SGCD: variants seen among roughly 807,000 people sequenced by gnomAD.
SGCD encodes sarcoglycan delta.
In SGCD, 18 loss-of-function variants were observed where a neutral mutation model predicts 36.6. The observed-to-expected ratio is 0.49, with a 90% CI of 0.34 to 0.73. The LOEUF (loss-of-function observed/expected upper bound fraction) is 0.73. Among genes scored for constraint, SGCD ranks in the 30% least tolerant of loss-of-function variants. The pLI, the probability that SGCD is intolerant of heterozygous loss-of-function variation, is 0.01. For missense variants in SGCD, 387 were observed against 346.7 expected, an observed-to-expected ratio of 1.12 and a Z score of -0.92; for synonymous variants, 133 against 130.6, an observed-to-expected ratio of 1.02 and a Z score of -0.12.
At chr5:156,643,878 C>T (rs1051519795) in intron 6 of SGCD, among the ~76,000 whole-genome samples, 4 of 151,994 alleles carry the variant, frequency 2.6e-5, no homozygotes, top group Non-Finnish European at 5.9e-5. Context: ...ACGTTTTTAC[C>T]TCAAACCTTA....
chr5:156,407,660 G>A (rs1772497779), intron 3 of SGCD, among the ~76,000 whole-genome samples: 1 of 152,212 alleles, frequency 6.6e-6, no homozygotes, highest in Admixed American at 6.5e-5. Flanking sequence ...CATGAGGAGT[G>A]TCTTGAGCTT....
intron 3 of SGCD, among the ~76,000 whole-genome samples, chr5:156,478,128 T>C (rs78542557): frequency 0.019 from 2,942 of 152,178 alleles, 79 homozygotes; most frequent in African/African-American, 0.068. Flanking sequence ...TAAGTAGAAA[T>C]AATGGTTCCT....
chr5:156,010,804 G>A (rs1413522527), intron 1 of SGCD, among the ~76,000 whole-genome samples: 1 of 152,196 alleles, frequency 6.6e-6, no homozygotes, highest in African/African-American at 2.4e-5. Flanking sequence ...TAGAAGGTTA[G>A]AAGCAGAGCC....
chr5:156,328,921 C>G (rs968615714), intron 1 of SGCD, among the ~76,000 whole-genome samples: 13 of 152,124 alleles, frequency 8.5e-5, no homozygotes, highest in African/African-American at 3.1e-4. Flanking sequence ...TAGTCAAGCC[C>G]ACTGCCAATG....
At chr5:156,117,151 G>A (rs902281248) in intron 1 of SGCD, among the ~76,000 whole-genome samples, 3 of 151,980 alleles carry the variant, frequency 2.0e-5, no homozygotes, top group Admixed American at 2.0e-4. Flanking sequence ...GTACATACTT[G>A]CTCTGTGCCT....
chr5:156,648,584 G>T (rs1052333757), intron 7 of SGCD, among the ~76,000 whole-genome samples: 1 of 152,122 alleles, frequency 6.6e-6, no homozygotes, highest in African/African-American at 2.4e-5. Context: ...TTGGGCCAAA[G>T]GAAGAGGATA....
At chr5:156,418,379 A>C (rs1773147224) in intron 3 of SGCD, among the ~76,000 whole-genome samples, 1 of 152,162 alleles carries the variant, frequency 6.6e-6, no homozygotes, top group Non-Finnish European at 1.5e-5. Context: ...TGGTTTTGTG[A>C]CTGGACATGG....
At chr5:156,398,396 A>G (rs1158081554) in intron 3 of SGCD, among the ~76,000 whole-genome samples, 1 of 152,226 alleles carries the variant, frequency 6.6e-6, no homozygotes, top group Non-Finnish European at 1.5e-5. Context: ...CATCTGATGG[A>G]CAATTGAATG....
chr5:156,071,009 G>T (rs566759378), intron 1 of SGCD, among the ~76,000 whole-genome samples: 1 of 152,024 alleles, frequency 6.6e-6, no homozygotes, highest in Non-Finnish European at 1.5e-5. Context: ...GCATCTATTT[G>T]ATTCTTCTCT....
At chr5:156,410,533 T>A (rs1772683045) in intron 3 of SGCD, among the ~76,000 whole-genome samples, 1 of 152,160 alleles carries the variant, frequency 6.6e-6, no homozygotes, top group South Asian at 2.1e-4. Context: ...AAAGTTGGAA[T>A]TATTTTTTTA....
chr5:156,285,660 C>T (rs1210915572), intron 3 of SGCD, among the ~76,000 whole-genome samples: 5 of 152,146 alleles, frequency 3.3e-5, no homozygotes, highest in Admixed American at 2.6e-4. Flanking sequence ...TTACACCTTA[C>T]ACAAAAATTA....
intron 2 of SGCD, among the ~76,000 whole-genome samples, chr5:156,119,459 C>T (rs1761981502): frequency 6.6e-6 from 1 of 152,096 alleles, no homozygotes; most frequent in African/African-American, 2.4e-5. Context: ...GCATTGTTGG[C>T]AACAGGAATG....
At chr5:156,734,955 ATTCT>A (rs1391226054) in intron 7 of SGCD, among the ~76,000 whole-genome samples, 2 of 152,128 alleles carry the variant, frequency 1.3e-5, no homozygotes, top group African/African-American at 4.8e-5. Flanking sequence ...TTTTGCACTG[ATTCT>A]TTCTCATTTT....
At chr5:155,863,823 T>C in the SGCD span, among the ~76,000 whole-genome samples, 2 of 152,090 alleles carry the variant, frequency 1.3e-5, no homozygotes, top group African/African-American at 2.4e-5. Flanking sequence ...TTTCATTTGT[T>C]TATTCATTCA....
chr5:156,307,552 GTTGTT>G (rs1377974441), intron 3 of SGCD, among the ~76,000 whole-genome samples: 95 of 48,416 alleles, frequency 2.0e-3, no homozygotes, highest in African/African-American at 8.3e-3. Context: ...CATTTTAACT[GTTGTT>G]TTTTTTTTTT....
At chr5:155,769,589 A>C in the SGCD span, among the ~76,000 whole-genome samples, 1 of 152,048 alleles carries the variant, frequency 6.6e-6, no homozygotes, top group East Asian at 1.9e-4. Flanking sequence ...TCTAACTCAA[A>C]ATCTTCTCTC....
chr5:156,442,459 T>G (rs1487819278), intron 3 of SGCD, among the ~76,000 whole-genome samples: 1 of 152,216 alleles, frequency 6.6e-6, no homozygotes, highest in African/African-American at 2.4e-5. Context: ...TGTTGGTGGT[T>G]GTTAAATTAT....
At chr5:156,156,606 A>G (rs1762970732) in intron 3 of SGCD, among the ~76,000 whole-genome samples, 2 of 151,576 alleles carry the variant, frequency 1.3e-5, no homozygotes, top group South Asian at 4.1e-4. Flanking sequence ...ACTGGGTGAC[A>G]GAGTCAGACT....
chr5:156,133,995 G>A (rs1360491260), intron 3 of SGCD, among the ~76,000 whole-genome samples: 1 of 150,478 alleles, frequency 6.6e-6, no homozygotes, highest in Non-Finnish European at 1.5e-5. Flanking sequence ...ACAAGAAATG[G>A]CCATTTTAAC....
Sources: gnomAD v4.1 joint callset for allele counts (sites outside exome capture counted in the v4.1 genomes callset) on GRCh38, gnomAD v4.1.1 for gene constraint, MANE v1.5 for transcripts, NCBI Gene and HGNC (gene_info 2026-07-23, HGNC 2026-07-21) for gene names.